The following CALN1 variants were observed in gnomAD, a reference collection of about 807,000 sequenced individuals.
CALN1 encodes calneuron 1.
In CALN1, 17 loss-of-function variants were observed where a neutral mutation model predicts 30.6. That is an observed-to-expected ratio of 0.56 (90% confidence interval 0.38 to 0.83). The LOEUF is 0.83. CALN1 is among the 40% of genes least tolerant of loss of function. The probability of loss-of-function intolerance (pLI) is 0.00; values close to 1 mark genes in which losing one functional copy is unlikely to be tolerated. For missense variants in CALN1, 291 were observed against 354.9 expected (o/e 0.82, Z 1.45); for synonymous variants, 156 against 131.4 (o/e 1.19, Z -1.28).
chr7:72,430,228 A>G (rs947712323), intron 1 of CALN1, among the ~76,000 whole-genome samples: 2 of 148,260 alleles, frequency 1.3e-5, no homozygotes, highest in African/African-American at 4.9e-5. Flanking sequence ...TTTATAGATT[A>G]TATATTTACA....
At chr7:72,490,214 AG>A in the CALN1 span, among the ~76,000 whole-genome samples, 1 of 152,162 alleles carries the variant, frequency 6.6e-6, no homozygotes, top group Admixed American at 6.5e-5. Context: ...CTAACCCCCA[AG>A]GGCTTAGGGA....
At chr7:71,868,740 C>G (rs532021593) in intron 5 of CALN1, among the ~76,000 whole-genome samples, 1 of 152,230 alleles carries the variant, frequency 6.6e-6, no homozygotes, top group East Asian at 1.9e-4. Flanking sequence ...CACCTCCCCC[C>G]AGGTCCTACC....
chr7:71,995,082 G>A (rs927358637), intron 5 of CALN1, among the ~76,000 whole-genome samples: 9 of 152,254 alleles, frequency 5.9e-5, no homozygotes, highest in African/African-American at 2.2e-4. Context: ...TTGATCTCCT[G>A]ACCTCATGAT....
At chr7:72,354,256 TA>T (rs1803098758) in intron 2 of CALN1, among the ~76,000 whole-genome samples, 1 of 152,160 alleles carries the variant, frequency 6.6e-6, no homozygotes, top group African/African-American at 2.4e-5. Context: ...AAAATAAGTG[TA>T]AGTTCTGTAT....
intron 3 of CALN1, among the ~76,000 whole-genome samples, chr7:72,160,427 C>T (rs988071993): frequency 3.3e-5 from 5 of 151,756 alleles, no homozygotes; most frequent in African/African-American, 4.8e-5. Flanking sequence ...TACAGGCATG[C>T]GCCACCATGC....
At chr7:72,160,938 C>A (rs191754736) in intron 3 of CALN1, among the ~76,000 whole-genome samples, 10 of 152,308 alleles carry the variant, frequency 6.6e-5, no homozygotes, top group Admixed American at 6.5e-4. Context: ...CACTTCCCAG[C>A]CTCCTTTGTT....
At chr7:72,396,562 G>A (rs1362815795) in intron 2 of CALN1, among the ~76,000 whole-genome samples, 1 of 152,190 alleles carries the variant, frequency 6.6e-6, no homozygotes, top group East Asian at 1.9e-4. Context: ...CAGTGTGTCG[G>A]GGAAGAGATA....
At chr7:72,397,516 T>C (rs1806040092) in intron 2 of CALN1, among the ~76,000 whole-genome samples, 1 of 152,188 alleles carries the variant, frequency 6.6e-6, no homozygotes, top group East Asian at 1.9e-4. Context: ...TGCTAGGGAA[T>C]TCCAGGAGTG....
intron 5 of CALN1, among the ~76,000 whole-genome samples, chr7:72,017,589 A>G (rs565111830): frequency 3.3e-5 from 5 of 152,258 alleles, no homozygotes; most frequent in African/African-American, 1.2e-4. Flanking sequence ...GTATTGCCCA[A>G]AAGTCCTGAG....
intron 2 of CALN1, among the ~76,000 whole-genome samples, chr7:72,360,196 A>T (rs1803491813): frequency 6.6e-6 from 1 of 152,268 alleles, no homozygotes; most frequent in South Asian, 2.1e-4. Context: ...TATTAGTGTT[A>T]AGCTTCCTGG....
At chr7:71,867,318 C>A (rs190135339) in intron 5 of CALN1, among the ~76,000 whole-genome samples, 1 of 152,082 alleles carries the variant, frequency 6.6e-6, no homozygotes, top group Non-Finnish European at 1.5e-5. Context: ...TAAAATACAT[C>A]AAAATGTCCT....
intron 6 of CALN1, among the ~76,000 whole-genome samples, chr7:71,794,318 C>G (rs2115943385): frequency 6.6e-6 from 1 of 152,278 alleles, no homozygotes; most frequent in Admixed American, 6.5e-5. Context: ...AGAACTGCGA[C>G]CTGGCACTAA....
At chr7:71,930,512 G>C (rs1462996778) in intron 5 of CALN1, among the ~76,000 whole-genome samples, 1 of 152,166 alleles carries the variant, frequency 6.6e-6, no homozygotes, top group Non-Finnish European at 1.5e-5. Context: ...CCCATGGTGT[G>C]AGTTGTCTTT....
At chr7:72,402,239 G>A (rs562097927) in intron 2 of CALN1, among the ~76,000 whole-genome samples, 3 of 152,336 alleles carry the variant, frequency 2.0e-5, no homozygotes, top group Admixed American at 1.3e-4. Flanking sequence ...GTCAAGTTGT[G>A]TTGGAGAAGA....
At chr7:71,937,383 T>C (rs551182335) in intron 5 of CALN1, among the ~76,000 whole-genome samples, 233 of 151,552 alleles carry the variant, frequency 1.5e-3, no homozygotes, top group African/African-American at 5.3e-3. Flanking sequence ...CACATATAAA[T>C]ATGTATATAT....
chr7:71,904,294 A>C (rs1237949558), intron 5 of CALN1, among the ~76,000 whole-genome samples: 19 of 152,204 alleles, frequency 1.2e-4, no homozygotes. Context: ...ATATGGAATT[A>C]ATCTGTCTAT....
chr7:72,309,742 C>T (rs1031447931), intron 2 of CALN1, among the ~76,000 whole-genome samples: 2 of 152,184 alleles, frequency 1.3e-5, no homozygotes, highest in African/African-American at 2.4e-5. Flanking sequence ...TGGACCACTT[C>T]CCACATTCTG....
chr7:72,376,147 T>C (rs1476874808), intron 2 of CALN1, among the ~76,000 whole-genome samples: 3 of 152,268 alleles, frequency 2.0e-5, no homozygotes, highest in Non-Finnish European at 4.4e-5. Flanking sequence ...CATCAGTTGA[T>C]GGACATTTGG....
At chr7:72,025,076 C>G (rs1164396407) in intron 4 of CALN1, among the ~76,000 whole-genome samples, 1 of 152,054 alleles carries the variant, frequency 6.6e-6, no homozygotes, top group Non-Finnish European at 1.5e-5. Flanking sequence ...TTTGGAAGGC[C>G]GAGGTGGGTG....
Sources: allele counts gnomAD v4.1 joint callset (sites outside exome capture counted in the v4.1 genomes callset), GRCh38; gene constraint gnomAD v4.1.1; transcripts MANE v1.5; gene names NCBI Gene and HGNC (gene_info 2026-07-23, HGNC 2026-07-21).